DNAH7: variants seen among roughly 807,000 people sequenced by gnomAD.
The protein encoded by DNAH7 is axonemal beta dynein heavy chain 7.
Under a neutral mutation model 444.6 loss-of-function variants are expected in DNAH7, and 397 were observed. The ratio of observed to expected loss-of-function variants is 0.89; its 90% CI spans 0.82 to 0.97. The LOEUF is 0.97. Among genes scored for constraint, DNAH7 ranks in the 50% least tolerant of loss-of-function variants. DNAH7 has a pLI of 0.00. For missense variants in DNAH7, 4,902 were observed against 4,800.8 expected, an observed-to-expected ratio of 1.02 and a Z score of -0.62; for synonymous variants, 1,636 against 1,624.4, an observed-to-expected ratio of 1.01 and a Z score of -0.17.
intron 16 of DNAH7, among the ~76,000 whole-genome samples, chr2:195,970,780 T>G (rs1354660683): frequency 1.3e-5 from 2 of 152,182 alleles, no homozygotes; most frequent in Non-Finnish European, 2.9e-5. Flanking sequence ...TTCAAAAAAT[T>G]TAGGTTATTC....
chr2:195,779,661 T>C (rs1251660589), intron 58 of DNAH7, among the ~76,000 whole-genome samples: 1 of 152,102 alleles, frequency 6.6e-6, no homozygotes, highest in African/African-American at 2.4e-5. Flanking sequence ...CAGGCTGGAG[T>C]ACAGTGGTGT....
chr2:195,888,340 C>T lies in DNAH7; in HGVS notation c.5324G>A (p.Ser1775Asn). Residue 1775 changes from serine (S) to asparagine (N), a missense_variant, in exon 33 of 65, where the codon AGT becomes AAT. By Grantham distance (46) the Ser-to-Asn change is conservative. Coordinates refer to ENST00000312428, the MANE Select transcript of DNAH7 (RefSeq NM_018897.3). ...SWVNLLPASVSVIQKEFIMGL... is the reference protein window; with the variant it reads ...SWVNLLPASVNVIQKEFIMGL... ...CATTATGAATTCCTTTTGAATAACA[C>T]TGACTGACGCAGGTAACAGATTCAC... 1.2e-6 allele frequency: 2 copies of T among 1,610,714 alleles called. No homozygotes were observed. The highest frequency in any genetic ancestry group is 1.7e-6 in the Non-Finnish European group (2 of 1,178,932).
intron 15 of DNAH7, among the ~76,000 whole-genome samples, chr2:195,978,415 G>A (rs1226077196): frequency 1.3e-5 from 2 of 151,556 alleles, no homozygotes; most frequent in African/African-American, 2.4e-5. Context: ...TACAGAAAAC[G>A]AAAAGCAGGA....
At chr2:195,908,449 C>T (rs986387893) in intron 25 of DNAH7, among the ~76,000 whole-genome samples, 2 of 152,034 alleles carry the variant, frequency 1.3e-5, no homozygotes, top group African/African-American at 4.8e-5. Context: ...ACCTTCGCGC[C>T]CTTCCATTTC....
chr2:195,986,189 T>G (rs1232891536), intron 14 of DNAH7, among the ~76,000 whole-genome samples: 1 of 152,218 alleles, frequency 6.6e-6, no homozygotes, highest in Non-Finnish European at 1.5e-5. Flanking sequence ...CTGTTCTACC[T>G]TGTGGCTCAT....
At chr2:195,832,099 C>T (rs956021591) in intron 48 of DNAH7, among the ~76,000 whole-genome samples, 4 of 152,134 alleles carry the variant, frequency 2.6e-5, no homozygotes, top group African/African-American at 9.7e-5. Flanking sequence ...TTATACTATG[C>T]CTTGCAGCCT....
chr2:195,978,414 C>T (rs939718377), intron 15 of DNAH7, among the ~76,000 whole-genome samples: 1 of 151,288 alleles, frequency 6.6e-6, no homozygotes, highest in South Asian at 2.1e-4. Flanking sequence ...ATACAGAAAA[C>T]GAAAAGCAGG....
At chr2:196,053,292 C>T (rs1697597257) in intron 2 of DNAH7, among the ~76,000 whole-genome samples, 1 of 152,184 alleles carries the variant, frequency 6.6e-6, no homozygotes, top group Non-Finnish European at 1.5e-5. Flanking sequence ...CTTGACTGGC[C>T]AGGCTGGCAA....
chr2:195,981,002 T>C (rs1692536013), intron 15 of DNAH7, among the ~76,000 whole-genome samples: 1 of 152,066 alleles, frequency 6.6e-6, no homozygotes, highest in Non-Finnish European at 1.5e-5. Context: ...GCTAGAGCAA[T>C]CAGATAAGAC....
At chr2:195,982,795 G>A (rs1350774068) in intron 15 of DNAH7, among the ~76,000 whole-genome samples, 2 of 152,166 alleles carry the variant, frequency 1.3e-5, no homozygotes, top group East Asian at 3.9e-4. Flanking sequence ...TGGAAGTGGA[G>A]AATAGAAGGA....
At chr2:195,883,461 C>T (rs568315711) in intron 35 of DNAH7, among the ~76,000 whole-genome samples, 1 of 140,798 alleles carries the variant, frequency 7.1e-6, no homozygotes. Flanking sequence ...TCCCCCCCCC[C>T]AAAAAAAAAG....
chr2:196,026,875 C>A lies in DNAH7; in HGVS notation c.552G>T (p.Trp184Cys), dbSNP rs1407076868. The change falls in exon 7 of 65, where the codon TGG becomes TGT. Residue 184 changes from tryptophan to cysteine, a missense_variant. Trp to Cys is a radical substitution (Grantham distance 215). Coordinates refer to ENST00000312428, the MANE Select transcript of DNAH7 (RefSeq NM_018897.3). ...GAACTAAATCCAGTACGTGTTCTAG[C>A]CAAGAATCTTCCATTGGGGCTACAT... The part of the protein sequence containing the change: ...TDHVAPMEDS[W>C]LEHVLDLVPQ... 6.2e-7 allele frequency: 1 copy of A among 1,612,420 alleles called. No individual in the cohort carries two copies. Among genetic ancestry groups the A allele is most frequent in the East Asian group, 2.2e-5 (1 of 44,740 alleles).
In DNAH7 at chr2:195,900,627, T is replaced by C. The variant is rs1481339418; in HGVS notation, c.4336-133A>G. 5 of 771,086 alleles carry C rather than the reference T, an allele frequency of 6.5e-6. No homozygotes were observed. The Admixed American group carries it at 8.4e-5, about 13-fold the overall frequency. The allele number at this position is 771,086 out of a possible 1,614,324, so 47.8% of individuals were successfully genotyped here. On this transcript the variant is annotated intron_variant, in intron 27 of 64. Coordinates refer to ENST00000312428, the MANE Select transcript of DNAH7 (RefSeq NM_018897.3). The stretch of plus-strand genomic sequence containing the variant: ...TATCTCATAGAAGTAGAGAGTAAAA[T>C]AGTGGTAACTAGAGGCTGGGAAAGG...
At chr2:195,771,068 T>C (rs1694814217) in intron 61 of DNAH7, among the ~76,000 whole-genome samples, 1 of 150,878 alleles carries the variant, frequency 6.6e-6, no homozygotes. Flanking sequence ...ACACCTATAG[T>C]CCCTGCACTT....
intron 21 of DNAH7, among the ~76,000 whole-genome samples, chr2:195,929,393 C>T (rs1434379295): frequency 6.6e-6 from 1 of 152,112 alleles, no homozygotes; most frequent in African/African-American, 2.4e-5. Flanking sequence ...TCACATGGAA[C>T]CACAAGAGCC....
intron 21 of DNAH7, among the ~76,000 whole-genome samples, chr2:195,929,730 G>T (rs1351775227): frequency 1.3e-5 from 2 of 152,148 alleles, no homozygotes; most frequent in African/African-American, 4.8e-5. Context: ...ACTCAAGATG[G>T]ATTAATATTT....
rs373448071 is a variant in DNAH7 at position 195,896,932 on chromosome 2, T to A, written c.4647+735A>T. On this transcript the variant is annotated intron_variant, in intron 29 of 64. Coordinates refer to ENST00000312428, the MANE Select transcript of DNAH7 (RefSeq NM_018897.3). ...CCTTCCCCATGACATAACAATATCT[T>A]CAGTGCTAGGAAAACTGGATAACTA... Among the ~76,000 whole-genome samples, 7 of 152,178 alleles carry A rather than the reference T, an allele frequency of 4.6e-5. No homozygotes were observed. In the East Asian group the frequency reaches 1.3e-3, roughly 29 times the overall value.
intron 21 of DNAH7, among the ~76,000 whole-genome samples, chr2:195,930,347 A>T (rs2125387810): frequency 6.6e-6 from 1 of 152,154 alleles, no homozygotes; most frequent in South Asian, 2.1e-4. Flanking sequence ...CCTCAAAAAA[A>T]GAAAAGAAAA....
intron 5 of DNAH7, among the ~76,000 whole-genome samples, chr2:196,029,992 G>A (rs1171539781): frequency 6.6e-6 from 1 of 152,048 alleles, no homozygotes; most frequent in Non-Finnish European, 1.5e-5. Flanking sequence ...GAAGAAACTA[G>A]AAGAAAAGTC....
Sources: gnomAD v4.1 joint callset for allele counts (sites outside exome capture counted in the v4.1 genomes callset) on GRCh38, gnomAD v4.1.1 for gene constraint, MANE v1.5 for transcripts, NCBI Gene and HGNC (gene_info 2026-07-23, HGNC 2026-07-21) for gene names.